The following LYPD1 variants were observed in gnomAD, a reference collection of about 807,000 sequenced individuals.
The protein encoded by LYPD1 is LY6/PLAUR domain containing 1, also known as ly6/PLAUR domain-containing protein 1.
A neutral mutation model predicts 14.2 loss-of-function variants in LYPD1; 14 were observed. The ratio of observed to expected loss-of-function variants is 0.99; its 90% CI spans 0.65 to 1.54. The LOEUF is 1.54. Among genes scored for constraint, LYPD1 ranks in the 40% most tolerant of loss-of-function variants. The pLI, the probability that LYPD1 is intolerant of heterozygous loss-of-function variation, is 0.00. For synonymous variants in LYPD1, 85 were observed against 70.6 expected (o/e 1.20, Z -1.02); for missense variants, 165 against 175.7 (o/e 0.94, Z 0.34).
At position 132,662,035 on chromosome 2, in the gene LYPD1, A is replaced by C. The variant is rs569623930; in HGVS notation, c.190+6365T>G. ...ACTTTTCTGTGTCTTAGATTCACCAACTATCAAGTGGGGATATTATCTCTT... is the reference window on the plus strand; with the variant it reads ...ACTTTTCTGTGTCTTAGATTCACCACCTATCAAGTGGGGATATTATCTCTT... On this transcript the variant is annotated intron_variant, in intron 2 of 2. Coordinates refer to ENST00000397463, the MANE Select transcript of LYPD1 (RefSeq NM_144586.7). Among the ~76,000 whole-genome samples, 7 of 152,252 alleles carry C rather than the reference A, an allele frequency of 4.6e-5. No homozygotes were observed. The East Asian group carries it at 7.7e-4, about 17-fold the overall frequency.
chr2:132,655,756 C>T (rs540926228), intron 2 of LYPD1, among the ~76,000 whole-genome samples: 6 of 152,066 alleles, frequency 3.9e-5, no homozygotes, highest in Admixed American at 1.3e-4. Context: ...CCTCGTGATC[C>T]GCCCACCTCA....
intron 2 of LYPD1, among the ~76,000 whole-genome samples, chr2:132,651,892 G>A (rs1194107972): frequency 6.6e-6 from 1 of 152,208 alleles, no homozygotes; most frequent in Non-Finnish European, 1.5e-5. Flanking sequence ...GTGGTAGTTT[G>A]ACGGGTCCAC....
chr2:132,646,179 T>G lies in LYPD1; in HGVS notation c.292A>C (p.Ile98Leu), dbSNP rs1453725947. 1.2e-6 allele frequency: 2 copies of G among 1,610,810 alleles called. No individual in the cohort carries two copies. Among genetic ancestry groups the G allele is most frequent in the South Asian group, 2.2e-5 (2 of 90,468 alleles). ...CSPGKLNSVC[I>L]SCCNTPLCNG... ...CAAAGAGGGGTGTTGCAGCAGCTGATGCAAACTGAGTTCAGTTTCCCTGGG... is the reference window on the plus strand; with the variant it reads ...CAAAGAGGGGTGTTGCAGCAGCTGAGGCAAACTGAGTTCAGTTTCCCTGGG... Residue 98 changes from isoleucine (I) to leucine (L), a missense_variant, in exon 3 of 3, where the codon ATC becomes CTC. By Grantham distance (5) the Ile-to-Leu change is conservative. Transcript: ENST00000397463.
chr2:132,655,130 C>T (rs531791611), intron 2 of LYPD1, among the ~76,000 whole-genome samples: 25 of 152,208 alleles, frequency 1.6e-4, no homozygotes, highest in Admixed American at 1.4e-3. Context: ...GCTGCTTATC[C>T]CTTTCCTGTT....
At chr2:132,648,072 A>G (rs894480289) in intron 2 of LYPD1, among the ~76,000 whole-genome samples, 1 of 152,194 alleles carries the variant, frequency 6.6e-6, no homozygotes, top group African/African-American at 2.4e-5. Flanking sequence ...GCCTGTATCT[A>G]TGTGTGGGAG....
chr2:132,669,997 G>A lies in LYPD1; in HGVS notation c.-65C>T, dbSNP rs1195239563. On this transcript the variant is annotated 5_prime_UTR_variant, in exon 1 of 3. Coordinates refer to ENST00000397463, the MANE Select transcript of LYPD1 (RefSeq NM_144586.7). The surrounding 1 kb of genome is among the most constrained non-coding windows in gnomAD (Gnocchi z 4.3). ...AGAGGAGGCGACAGCAGCGGAGGCT[G>A]CCCCGGCTGCAGCGGCTGTGGCTGC... 1 of 1,589,510 alleles carries A rather than the reference G, an allele frequency of 6.3e-7. No homozygotes were observed. The highest frequency in any genetic ancestry group is 1.1e-5 in the South Asian group (1 of 89,284).
intron 2 of LYPD1, among the ~76,000 whole-genome samples, chr2:132,654,940 G>T (rs187379606): frequency 1.1e-4 from 17 of 152,070 alleles, no homozygotes; most frequent in Admixed American, 6.5e-4. Flanking sequence ...AGTAGAGACG[G>T]GGTTTCACCA....
Position 132,645,416 on chromosome 2 carries a change from C to A in LYPD1, c.*629G>T, listed in dbSNP as rs200090353. 1.9e-6 allele frequency: 3 copies of A among 1,613,564 alleles called. No homozygotes were observed. The East Asian group carries it at 6.7e-5, about 36-fold the overall frequency. The stretch of plus-strand genomic sequence containing the variant: ...GACAGCGCCCGCTTTGTGCAGCGCC[C>A]GTTGCTCTTCGCGTCCCGGCGCCAG... On this transcript the variant is annotated 3_prime_UTR_variant, in exon 3 of 3. Transcript: ENST00000397463.
intron 2 of LYPD1, among the ~76,000 whole-genome samples, chr2:132,667,520 A>T (rs1298518677): frequency 6.6e-6 from 1 of 152,222 alleles, no homozygotes; most frequent in Non-Finnish European, 1.5e-5. Context: ...ACAGAACTAA[A>T]GGAAGTGGGG....
intron 2 of LYPD1, among the ~76,000 whole-genome samples, chr2:132,666,042 T>G (rs998368894): frequency 6.6e-6 from 1 of 152,228 alleles, no homozygotes; most frequent in Admixed American, 6.5e-5. Flanking sequence ...AATTACATGC[T>G]GACTGGCTGT....
chr2:132,646,466 C>A, intron 2 of LYPD1, 186 bp from the exon 3 acceptor site: 3 of 409,330 alleles, frequency 7.3e-6, no homozygotes, highest in Non-Finnish European at 4.3e-6. Flanking sequence ...GAGACAGGCA[C>A]TATTTCATTA....
At chr2:132,670,929 C>T (rs1378771895), upstream of LYPD1, among the ~76,000 whole-genome samples, 3 of 152,150 alleles carry the variant, frequency 2.0e-5, no homozygotes, top group African/African-American at 4.8e-5. This position sits in a 1 kb window ranked among gnomAD's most constrained non-coding sequence, Gnocchi z 4.5. Context: ...CCTAGGAGAA[C>T]GCCGTCCCGG....
chr2:132,662,468 C>T (rs988266485), intron 2 of LYPD1, among the ~76,000 whole-genome samples: 3 of 151,974 alleles, frequency 2.0e-5, no homozygotes, highest in Non-Finnish European at 4.4e-5. Flanking sequence ...TTCCATTGGA[C>T]AAGTAAAAAA....
intron 2 of LYPD1, among the ~76,000 whole-genome samples, chr2:132,663,621 TA>T (rs569922989): frequency 8.4e-4 from 128 of 152,320 alleles, no homozygotes; most frequent in Admixed American, 1.7e-3. Context: ...TTGCCAAAAA[TA>T]GAATGTGGAA....
In LYPD1 at chr2:132,646,166, T is replaced by G; in HGVS notation, c.305A>C (p.Asn102Thr). 6.2e-7 allele frequency: 1 copy of G among 1,611,694 alleles called. No homozygotes were observed. Among genetic ancestry groups the G allele is most frequent in the South Asian group, 1.1e-5 (1 of 90,590 alleles). Residue 102 changes from asparagine to threonine, a missense_variant, in exon 3 of 3, where the codon AAC (asparagine) becomes ACC (threonine). Physicochemically the swap from Asn to Thr is moderately conservative, Grantham distance 65. Coordinates refer to ENST00000397463, the MANE Select transcript of LYPD1 (RefSeq NM_144586.7). ...KLNSVCISCCNTPLCNGPRPK... is the reference protein window; with the variant it reads ...KLNSVCISCCTTPLCNGPRPK... ...CCTTGGCCCGTTACAAAGAGGGGTG[T>G]TGCAGCAGCTGATGCAAACTGAGTT...
At position 132,645,605 on chromosome 2, in the gene LYPD1, G is replaced by A. The variant is rs768929088; in HGVS notation, c.*440C>T. On this transcript the variant is annotated 3_prime_UTR_variant, in exon 3 of 3. Coordinates refer to ENST00000397463, the MANE Select transcript of LYPD1 (RefSeq NM_144586.7). ...AATGGTTTTCAGGAGCATGAAGTTT[G>A]AATGTCAAGCGAGGGAGCCTTGAGT... 8.7e-6 allele frequency: 14 copies of A among 1,609,174 alleles called. No homozygotes were observed. Among genetic ancestry groups the A allele is most frequent in the South Asian group, 5.5e-5 (5 of 90,540 alleles).
At chr2:132,667,696 A>G (rs1295806089) in intron 2 of LYPD1, among the ~76,000 whole-genome samples, 1 of 152,180 alleles carries the variant, frequency 6.6e-6, no homozygotes, top group African/African-American at 2.4e-5. Flanking sequence ...TTGACTTCTG[A>G]TAAGACAGCT....
intron 2 of LYPD1, among the ~76,000 whole-genome samples, chr2:132,655,749 C>T (rs576632254): frequency 2.0e-5 from 3 of 152,122 alleles, no homozygotes; most frequent in African/African-American, 4.8e-5. Flanking sequence ...CTCCTGACCT[C>T]GTGATCCGCC....
intron 2 of LYPD1, among the ~76,000 whole-genome samples, chr2:132,660,079 C>T (rs999944197): frequency 3.3e-5 from 5 of 152,218 alleles, no homozygotes; most frequent in Admixed American, 6.5e-5. Context: ...TGGCGCGGCC[C>T]GCCTCTAGCA....
Sources: allele counts gnomAD v4.1 joint callset (sites outside exome capture counted in the v4.1 genomes callset), GRCh38; gene constraint gnomAD v4.1.1; non-coding constraint Gnocchi (gnomAD v3.1); transcripts MANE v1.5; gene names NCBI Gene and HGNC (gene_info 2026-07-23, HGNC 2026-07-21).